PTPRD: variants seen among roughly 807,000 people sequenced by gnomAD.
PTPRD encodes the protein receptor-type tyrosine-protein phosphatase delta.
Under a neutral mutation model 214.5 loss-of-function variants are expected in PTPRD, and 34 were observed. That is an observed-to-expected ratio of 0.16 (90% CI 0.12 to 0.21). The LOEUF (loss-of-function observed/expected upper bound fraction) is 0.21, where lower values mean the gene tolerates loss of function less well. Among genes scored for constraint, PTPRD ranks in the 10% least tolerant of loss-of-function variants. The probability of loss-of-function intolerance (pLI) is 1.00; values close to 1 mark genes in which losing one functional copy is unlikely to be tolerated. For missense variants in PTPRD, 2,545 were observed against 2,398.7 expected (o/e 1.06, Z -1.27); for synonymous variants, 1,128 against 845.7 (o/e 1.33, Z -5.79).
At chr9:8,940,639 C>A (rs1044147009) in intron 11 of PTPRD, among the ~76,000 whole-genome samples, 2 of 151,638 alleles carry the variant, frequency 1.3e-5, no homozygotes, top group Non-Finnish European at 2.9e-5. Flanking sequence ...AATATCTGAC[C>A]CTAAATTAGG....
chr9:9,791,001 A>G (rs571249129), intron 5 of PTPRD, among the ~76,000 whole-genome samples: 45 of 152,340 alleles, frequency 3.0e-4, no homozygotes, highest in African/African-American at 8.2e-4. Flanking sequence ...ATAATGAACC[A>G]GAAAACGTAA....
At chr9:8,858,649 G>A in intron 11 of PTPRD, among the ~76,000 whole-genome samples, 1 of 151,010 alleles carries the variant, frequency 6.6e-6, no homozygotes, top group East Asian at 2.0e-4. Flanking sequence ...GCCTGCGCGT[G>A]AGTGTGAGTG....
chr9:8,957,038 T>G (rs1360296910), intron 11 of PTPRD, among the ~76,000 whole-genome samples: 1 of 151,882 alleles, frequency 6.6e-6, no homozygotes, highest in Non-Finnish European at 1.5e-5. Flanking sequence ...ATTTAAATCC[T>G]GTTGTGAGAT....
chr9:10,428,739 C>T (rs549705476), intron 2 of PTPRD, among the ~76,000 whole-genome samples: 2 of 152,142 alleles, frequency 1.3e-5, no homozygotes, highest in Admixed American at 6.6e-5. Context: ...CTATTTGGTC[C>T]ATGGTCTAAA....
chr9:8,504,915 G>A (rs992392765), intron 22 of PTPRD, among the ~76,000 whole-genome samples: 1 of 152,168 alleles, frequency 6.6e-6, no homozygotes, highest in Admixed American at 6.5e-5. Flanking sequence ...ATTTACAGGA[G>A]GTTGCTATAA....
intron 7 of PTPRD, among the ~76,000 whole-genome samples, chr9:9,704,244 A>C (rs1554869908): frequency 6.6e-6 from 1 of 151,952 alleles, no homozygotes. Context: ...ATCAAATCGC[A>C]TTCTTCTTTT....
At chr9:8,914,872 G>A (rs1475260698) in intron 11 of PTPRD, among the ~76,000 whole-genome samples, 1 of 152,074 alleles carries the variant, frequency 6.6e-6, no homozygotes, top group African/African-American at 2.4e-5. Context: ...TAGATCCTCT[G>A]CAGACAACAC....
Position 8,861,714 on chromosome 9 carries a change from T to G in PTPRD, c.-103-127768A>C, listed in dbSNP as rs917245717. On this transcript the variant is annotated intron_variant, in intron 11 of 45. Coordinates refer to ENST00000381196, the MANE Select transcript of PTPRD (RefSeq NM_002839.4). ...TTATTGACCAAGGTATGGAATAAAT[T>G]GTTGCTAATCATGTTTTCTTTGTGA... 2.0e-5 allele frequency: 3 copies of G among 152,218 alleles called. No individual in the cohort carries two copies. The East Asian group carries it at 5.8e-4, about 29-fold the overall frequency. The allele number at this position is 152,218 out of a possible 1,614,324, so 9.4% of individuals were successfully genotyped here. A position where few individuals can be genotyped will look rare whatever the true frequency, so the allele number is the denominator to read the frequency against.
chr9:9,372,363 T>C (rs575374899), intron 9 of PTPRD, among the ~76,000 whole-genome samples: 4 of 152,206 alleles, frequency 2.6e-5, no homozygotes, highest in African/African-American at 9.6e-5. Context: ...TTTACAATTA[T>C]GTAATGGCCT....
At chr9:10,420,016 C>A (rs1319725852) in intron 2 of PTPRD, among the ~76,000 whole-genome samples, 1 of 151,672 alleles carries the variant, frequency 6.6e-6, no homozygotes, top group Non-Finnish European at 1.5e-5. Flanking sequence ...ATATAAAATA[C>A]TGCTCTCGAT....
chr9:9,336,065 C>T (rs9408760), intron 9 of PTPRD, among the ~76,000 whole-genome samples: 19,053 of 151,904 alleles, frequency 0.13, 4,022 homozygotes, highest in African/African-American at 0.44. Context: ...CATATATTTC[C>T]ATCACAGGTT....
chr9:8,599,807 G>A (rs531041341), intron 14 of PTPRD, among the ~76,000 whole-genome samples: 2 of 151,816 alleles, frequency 1.3e-5, no homozygotes, highest in South Asian at 2.1e-4. Flanking sequence ...AGTAGAGACG[G>A]GGCTTCTCCA....
rs974238945 is a variant in PTPRD at position 8,588,129 on chromosome 9, A to G, written c.352+45188T>C. On this transcript the variant is annotated intron_variant, in intron 14 of 45. Transcript: ENST00000381196. The stretch of plus-strand genomic sequence containing the variant: ...TTTTACTCTGTGACTTCTACCCATG[A>G]GAGCGAAAGCCAGCAAAGCTAGGCT... Among the ~76,000 whole-genome samples, 109 of 152,230 alleles carry G rather than the reference A, an allele frequency of 7.2e-4. 1 individual carries two copies. The highest frequency in any genetic ancestry group is 4.7e-3 in the Admixed American group (72 of 15,286).
intron 9 of PTPRD, among the ~76,000 whole-genome samples, chr9:9,297,313 G>C (rs1163499457): frequency 6.6e-6 from 1 of 151,594 alleles, no homozygotes; most frequent in African/African-American, 2.4e-5. Context: ...AAAATACAGA[G>C]ACAGAGATAT....
chr9:10,500,702 A>G (rs910718591), intron 2 of PTPRD, among the ~76,000 whole-genome samples: 1 of 151,594 alleles, frequency 6.6e-6, no homozygotes, highest in African/African-American at 2.4e-5. Flanking sequence ...CCCCTCCCCA[A>G]CTACCCTTCC....
At chr9:9,061,005 C>T (rs947130987) in intron 10 of PTPRD, among the ~76,000 whole-genome samples, 10 of 152,122 alleles carry the variant, frequency 6.6e-5, no homozygotes, top group Non-Finnish European at 8.8e-5. Context: ...CAAAAGCATA[C>T]ATACTTAAAT....
At chr9:8,392,983 T>A (rs1286770094) in intron 36 of PTPRD, among the ~76,000 whole-genome samples, 1 of 152,198 alleles carries the variant, frequency 6.6e-6, no homozygotes, top group Non-Finnish European at 1.5e-5. Flanking sequence ...TGGTTTTTAA[T>A]GTGACATATT....
At chr9:9,593,080 GAGAGAGAGGAAGAAAGAC>G (rs1204275114) in intron 7 of PTPRD, among the ~76,000 whole-genome samples, 1 of 146,970 alleles carries the variant, frequency 6.8e-6, no homozygotes, top group African/African-American at 2.5e-5. Flanking sequence ...AAAAAAGAAA[GAGAGAGAGGAAGAAAGAC>G]AGAGAGAGAG....
intron 3 of PTPRD, among the ~76,000 whole-genome samples, chr9:10,291,737 T>C (rs1158166986): frequency 6.6e-6 from 1 of 152,080 alleles, no homozygotes; most frequent in Non-Finnish European, 1.5e-5. Context: ...TTCAGACTTC[T>C]GGACTCCAGG....
Sources: gnomAD v4.1 joint callset for allele counts (sites outside exome capture counted in the v4.1 genomes callset) on GRCh38, gnomAD v4.1.1 for gene constraint, MANE v1.5 for transcripts, NCBI Gene and HGNC (gene_info 2026-07-23, HGNC 2026-07-21) for gene names.